Variants in ACTN4 observed in about 807,000 individuals in gnomAD.
The protein encoded by ACTN4 is alpha-actinin-4.
A neutral mutation model predicts 114.2 loss-of-function variants in ACTN4; 18 were observed. The ratio of observed to expected loss-of-function variants is 0.16; its 90% CI spans 0.11 to 0.23. The LOEUF (loss-of-function observed/expected upper bound fraction) is 0.23. ACTN4 is among the 10% of genes least tolerant of loss of function. The pLI, the probability that ACTN4 is intolerant of heterozygous loss-of-function variation, is 1.00. For synonymous variants in ACTN4, 515 were observed against 506.3 expected (o/e 1.02, Z -0.23); for missense variants, 722 against 1,262.9 (o/e 0.57, Z 6.49).
At chr19:38,728,295 A>C (rs1015511643) in intron 19 of ACTN4, 1 of 1,528,600 alleles carries the variant, frequency 6.5e-7, no homozygotes, top group Non-Finnish European at 8.8e-7. Context: ...CTCCTCTGCT[A>C]TGCCTGCGTC....
At chr19:38,653,244 G>A (rs12460849) in intron 1 of ACTN4, among the ~76,000 whole-genome samples, 55,002 of 151,910 alleles carry the variant, frequency 0.36, 11,633 homozygotes, top group Non-Finnish European at 0.47. Flanking sequence ...TGTAGCACAA[G>A]TTATCTGCCA....
chr19:38,723,098 GCA>G (rs1969103116), intron 12 of ACTN4, among the ~76,000 whole-genome samples: 1 of 152,224 alleles, frequency 6.6e-6, no homozygotes, highest in Admixed American at 6.5e-5. Flanking sequence ...GGGAACCGAG[GCA>G]CAGAGAGGCC....
intron 1 of ACTN4, among the ~76,000 whole-genome samples, chr19:38,661,898 C>G (rs544988732): frequency 5.3e-5 from 8 of 152,288 alleles, no homozygotes; most frequent in African/African-American, 1.7e-4. Flanking sequence ...GTTATCCGCC[C>G]GCCTCGGCTT....
Position 38,730,499 on chromosome 19 carries a change from G to C in ACTN4, c.*1067G>C, listed in dbSNP as rs947306213. ...CTGGATAAACCACCCTCTGGGGACA[G>C]GATAATAAAACATGTAATATTTTTA... On this transcript the variant is annotated 3_prime_UTR_variant, in exon 21 of 21. Transcript: ENST00000252699. 9 of 325,176 alleles carry C rather than the reference G, an allele frequency of 2.8e-5. No homozygotes were observed. The highest frequency in any genetic ancestry group is 1.9e-4 in the African/African-American group (9 of 47,462). The allele number at this position is 325,176 out of a possible 1,614,324, so 20.1% of individuals were successfully genotyped here.
intron 1 of ACTN4, among the ~76,000 whole-genome samples, chr19:38,662,738 T>C (rs1312703866): frequency 1.3e-5 from 2 of 152,208 alleles, no homozygotes; most frequent in African/African-American, 4.8e-5. Context: ...TGGCTTATTA[T>C]GCATTTATGC....
In ACTN4 at chr19:38,729,746, C is replaced by T. The variant is rs1969416429; in HGVS notation, c.*314C>T. 1.8e-6 allele frequency: 1 copy of T among 558,214 alleles called. No individual in the cohort carries two copies. The highest frequency in any genetic ancestry group is 4.2e-5 in the East Asian group (1 of 23,882). 34.6% of individuals were successfully genotyped at this position (558,214 alleles called of 1,614,324 possible). A position where few individuals can be genotyped will look rare whatever the true frequency, so the allele number is the denominator to read the frequency against. On this transcript the variant is annotated 3_prime_UTR_variant, in exon 21 of 21. Coordinates refer to ENST00000252699, the MANE Select transcript of ACTN4 (RefSeq NM_004924.6). ...CAGCACAACCGGTCCCTTCCATGCC[C>T]TGGGATGCCTCACCACACCCAGGTC...
At chr19:38,669,605 G>T (rs868273377) in intron 1 of ACTN4, among the ~76,000 whole-genome samples, 2 of 152,308 alleles carry the variant, frequency 1.3e-5, no homozygotes, top group African/African-American at 4.8e-5. Context: ...CACCTAGGAA[G>T]ATGGTGGCCC....
At chr19:38,711,862 G>A (rs60580755) in intron 8 of ACTN4, among the ~76,000 whole-genome samples, 3,002 of 152,348 alleles carry the variant, frequency 0.02, 131 homozygotes, top group South Asian at 0.15. Flanking sequence ...AGGCCAGGCA[G>A]AGCCCACAGA....
Position 38,727,938 on chromosome 19 carries a change from C to G in ACTN4, c.2338-8C>G, listed in dbSNP as rs755939382. The G allele has an allele frequency of 1.9e-6, 3 of 1,612,336 alleles. No homozygotes were observed. Among genetic ancestry groups the G allele is most frequent in the Admixed American group, 1.7e-5 (1 of 59,946 alleles). ...TCCCGCACACCTGCCTTCGGATGGC[C>G]CCGGCAGGATCATGGCGGGGCGCTG... On this transcript the variant is annotated splice_polypyrimidine_tract_variant and splice_region_variant and intron_variant, in intron 18 of 20. Transcript: ENST00000252699. The surrounding 1 kb of genome is among the most constrained non-coding windows in gnomAD (Gnocchi z 5.4).
chr19:38,708,349 C>T (rs532162672), intron 6 of ACTN4, among the ~76,000 whole-genome samples, 154 bp downstream of exon 6: 17 of 152,232 alleles, frequency 1.1e-4, no homozygotes, highest in South Asian at 4.1e-4. Flanking sequence ...GCAGGCTCTC[C>T]GCAACCCCTG....
intron 12 of ACTN4, among the ~76,000 whole-genome samples, chr19:38,722,658 AC>A (rs1969085791): frequency 6.6e-6 from 1 of 152,174 alleles, no homozygotes; most frequent in South Asian, 2.1e-4. Flanking sequence ...TCCTGCCACC[AC>A]CACGTCCAGG....
intron 1 of ACTN4, among the ~76,000 whole-genome samples, chr19:38,660,394 GTTT>G (rs913363099): frequency 6.7e-6 from 1 of 149,674 alleles, no homozygotes; most frequent in East Asian, 2.0e-4. Context: ...ACTGGTTTTT[GTTT>G]TTTTTTCTTT....
intron 5 of ACTN4, 47 bp downstream of exon 5, chr19:38,706,178 G>C: frequency 6.3e-7 from 1 of 1,578,910 alleles, no homozygotes; most frequent in Non-Finnish European, 8.7e-7. Context: ...AGGAACCTGA[G>C]ATCCTTCCTC....
chr19:38,665,419 A>G (rs1966926853), intron 1 of ACTN4, among the ~76,000 whole-genome samples: 1 of 152,232 alleles, frequency 6.6e-6, no homozygotes, highest in East Asian at 1.9e-4. Flanking sequence ...TAAGTGCTCA[A>G]TAAATGCAGC....
intron 1 of ACTN4, among the ~76,000 whole-genome samples, chr19:38,680,125 A>T (rs1048758573): frequency 6.7e-6 from 1 of 149,016 alleles, no homozygotes; most frequent in Non-Finnish European, 1.5e-5. Flanking sequence ...TCTCTCCCCT[A>T]TCAGACGCTG....
intron 6 of ACTN4, 102 bp from the exon 7 acceptor site, chr19:38,709,293 C>G (rs1968562703): frequency 1.1e-6 from 1 of 880,888 alleles, no homozygotes; most frequent in African/African-American, 1.6e-5. Flanking sequence ...ACCCCCAACC[C>G]TCGCCCTCCC....
intron 8 of ACTN4, among the ~76,000 whole-genome samples, chr19:38,712,067 A>G (rs1267233436): frequency 6.6e-6 from 1 of 152,178 alleles, no homozygotes; most frequent in African/African-American, 2.4e-5. Flanking sequence ...TCAGAGGAGG[A>G]GGCAGAATCG....
chr19:38,689,051 G>T (rs1967836990), intron 1 of ACTN4, among the ~76,000 whole-genome samples: 3 of 152,062 alleles, frequency 2.0e-5, no homozygotes, highest in Admixed American at 2.0e-4. Context: ...AATATAAGAG[G>T]TATCATATGA....
intron 5 of ACTN4, 88 bp downstream of exon 5, chr19:38,706,219 T>G: frequency 7.1e-7 from 1 of 1,417,706 alleles, no homozygotes; most frequent in Admixed American, 1.8e-5. Context: ...GTTTTTGTCG[T>G]GGTCTGTGAG....
Sources: allele counts gnomAD v4.1 joint callset (sites outside exome capture counted in the v4.1 genomes callset), GRCh38; gene constraint gnomAD v4.1.1; non-coding constraint Gnocchi (gnomAD v3.1); transcripts MANE v1.5; gene names NCBI Gene and HGNC (gene_info 2026-07-23, HGNC 2026-07-21).